POM121: variants seen among roughly 807,000 people sequenced by gnomAD.
POM121 encodes the protein nuclear envelope pore membrane protein POM 121.
In POM121, 32 loss-of-function variants were observed where a neutral mutation model predicts 81.3. The ratio of observed to expected loss-of-function variants is 0.39; its 90% CI spans 0.30 to 0.53. POM121 has a LOEUF of 0.53. Among genes scored for constraint, POM121 ranks in the 20% least tolerant of loss-of-function variants. The pLI is 0.66. For synonymous variants in POM121, 514 were observed against 694.2 expected (o/e 0.74, Z 4.08); for missense variants, 1,138 against 1,614.6 (o/e 0.70, Z 5.06).
chr7:72,937,558 T>C (rs1254533235), intron 5 of POM121, among the ~76,000 whole-genome samples: 1 of 152,162 alleles, frequency 6.6e-6, no homozygotes, highest in African/African-American at 2.4e-5. Context: ...TTACCACTTG[T>C]CTGAAGCTTC....
At chr7:72,899,459 G>C (rs1554492271) in intron 3 of POM121, among the ~76,000 whole-genome samples, 3 of 152,024 alleles carry the variant, frequency 2.0e-5, no homozygotes, top group Admixed American at 2.0e-4. Flanking sequence ...TGAATAAAGT[G>C]GAAAAATGTT....
intron 12 of POM121, 51 bp from the exon 13 acceptor site, chr7:72,946,086 C>T (rs372876196): frequency 8.8e-6 from 14 of 1,598,740 alleles, no homozygotes; most frequent in Non-Finnish European, 1.2e-5. Context: ...CACCCAGAGT[C>T]AGAGTCTCAG....
intron 3 of POM121, among the ~76,000 whole-genome samples, chr7:72,909,220 T>C (rs530591765): frequency 6.6e-6 from 1 of 152,326 alleles, no homozygotes; most frequent in African/African-American, 2.4e-5. Context: ...GACTTTATAT[T>C]TTTCAGTGTG....
intron 1 of POM121, among the ~76,000 whole-genome samples, chr7:72,887,364 T>C (rs1790826093): frequency 1.3e-5 from 2 of 152,066 alleles, no homozygotes; most frequent in African/African-American, 4.8e-5. Flanking sequence ...GGTTGTAATT[T>C]CCTGCCCATT....
At position 72,944,823 on chromosome 7, in the gene POM121, T is replaced by G. The variant is rs2429279; in HGVS notation, c.3530-763T>G. On this transcript the variant is annotated intron_variant, in intron 11 of 12. Coordinates refer to ENST00000434423, the MANE Select transcript of POM121 (RefSeq NM_001387691.1). ...GAGGAGGTCATGGGGGTGGCAGGGTTGAGGGGCTGAGAGGACCATCAGTCA... is the reference window on the plus strand; with the variant it reads ...GAGGAGGTCATGGGGGTGGCAGGGTGGAGGGGCTGAGAGGACCATCAGTCA... 1.3e-5 allele frequency among the ~76,000 whole-genome samples: 2 copies of G among 150,268 alleles called. 1 individual carries two copies. Among genetic ancestry groups the G allele is most frequent in the Admixed American group, 1.3e-4 (2 of 15,184 alleles).
chr7:72,897,915 A>C (rs1554491961), intron 3 of POM121, among the ~76,000 whole-genome samples: 1 of 152,154 alleles, frequency 6.6e-6, no homozygotes, highest in East Asian at 1.9e-4. Context: ...GGGACTTGGG[A>C]GGCTGAGGTG....
rs1554497624 is a variant in POM121 at position 72,926,874 on chromosome 7, A to T, written c.933A>T (p.Thr311=). 2.5e-6 allele frequency: 4 copies of T among 1,614,030 alleles called. No individual in the cohort carries two copies. Among genetic ancestry groups the T allele is most frequent in the Non-Finnish European group, 3.4e-6 (4 of 1,179,880 alleles). ...SNAPDPCAKE[T]VLSALKEKEK... is the part of the protein sequence containing the mutation. ...CCCCAGACCCATGTGCAAAGGAGAC[A>T]GTACTGAGTGCCCTCAAAGAGAAGG... The change falls in exon 3 of 13, where the codon ACA becomes ACT. Residue 311 remains threonine (T), a synonymous_variant. Transcript: ENST00000434423.
chr7:72,897,392 A>G (rs1202576225), intron 3 of POM121, among the ~76,000 whole-genome samples: 1 of 152,196 alleles, frequency 6.6e-6, no homozygotes, highest in Non-Finnish European at 1.5e-5. Flanking sequence ...GAAAAAGCCA[A>G]TGAGGCTGGA....
Position 72,939,413 on chromosome 7 carries a change from G to A in POM121, c.1441+4G>A. On this transcript the variant is annotated splice_donor_region_variant and intron_variant, in intron 7 of 12. Transcript: ENST00000434423. ...AGGGAGTCCCAGGGAGAAAAGGGTA[G>A]GTTGCTGAGCCAGGAGGAGGGGCTG... 6.2e-7 allele frequency: 1 copy of A among 1,613,908 alleles called. No individual in the cohort carries two copies. Among genetic ancestry groups the A allele is most frequent in the Non-Finnish European group, 8.5e-7 (1 of 1,179,810 alleles).
intron 6 of POM121, among the ~76,000 whole-genome samples, 158 bp downstream of exon 6, chr7:72,938,839 G>C (rs1796780651): frequency 1.3e-5 from 2 of 152,228 alleles, no homozygotes; most frequent in Admixed American, 1.3e-4. Flanking sequence ...CCCACCCGAA[G>C]TGCTGTCATC....
intron 5 of POM121, among the ~76,000 whole-genome samples, 191 bp from the exon 6 acceptor site, chr7:72,938,399 C>T (rs1207218620): frequency 6.6e-6 from 1 of 152,048 alleles, no homozygotes; most frequent in Non-Finnish European, 1.5e-5. Context: ...CTATGTTACC[C>T]AGGCTGGGCT....
At position 72,943,327 on chromosome 7, in the gene POM121, G is replaced by C. The variant is rs782719255; in HGVS notation, c.3334G>C (p.Gly1112Arg). The change falls in exon 11 of 13, where the codon GGG (glycine) becomes CGG (arginine). Residue 1112 changes from glycine (G) to arginine (R), a missense_variant. Coordinates refer to ENST00000434423, the MANE Select transcript of POM121 (RefSeq NM_001387691.1). ...SAAPAGSGSF[G>R]INVATPGSST... ...AGCCCCCGCTGGCAGTGGGAGCTTT[G>C]GGATCAATGTGGCCACCCCAGGCTC... 1.3e-5 allele frequency: 21 copies of C among 1,606,848 alleles called. No individual in the cohort carries two copies. The highest frequency in any genetic ancestry group is 2.2e-5 in the South Asian group (2 of 90,160).
chr7:72,938,941 A>G (rs1175821524), intron 6 of POM121, among the ~76,000 whole-genome samples: 1 of 152,198 alleles, frequency 6.6e-6, no homozygotes, highest in African/African-American at 2.4e-5. Flanking sequence ...GGCCATGCAG[A>G]GTGGAGAGCA....
chr7:72,938,070 G>A (rs530265086), intron 5 of POM121, among the ~76,000 whole-genome samples: 1 of 152,226 alleles, frequency 6.6e-6, no homozygotes, highest in African/African-American at 2.4e-5. Context: ...TGAGGCTAAC[G>A]TTCCACCTAA....
At chr7:72,926,603 C>G in intron 2 of POM121, 126 bp downstream of exon 2, 2 of 1,506,458 alleles carry the variant, frequency 1.3e-6, no homozygotes, top group East Asian at 2.4e-5. Flanking sequence ...TGAGAAATAC[C>G]AAATTCTAGT....
chr7:72,909,234 C>T (rs1290915382), intron 3 of POM121, among the ~76,000 whole-genome samples: 5 of 152,134 alleles, frequency 3.3e-5, no homozygotes, highest in Admixed American at 2.0e-4. Flanking sequence ...CAGTGTGTTT[C>T]GAGAGTGTTC....
downstream of POM121, chr7:72,949,073 C>A (rs185443744): frequency 6.2e-7 from 1 of 1,613,178 alleles, no homozygotes; most frequent in Non-Finnish European, 8.5e-7. Context: ...GTCCCTGCCC[C>A]GGGCTCCTCC....
chr7:72,902,411 C>A (rs1792770446), intron 3 of POM121, among the ~76,000 whole-genome samples: 1 of 150,962 alleles, frequency 6.6e-6, no homozygotes, highest in South Asian at 2.1e-4. Context: ...TATAGGCACC[C>A]ACCACCATGC....
intron 1 of POM121, among the ~76,000 whole-genome samples, chr7:72,884,460 A>C (rs1220315879): frequency 6.7e-6 from 1 of 148,956 alleles, no homozygotes; most frequent in Admixed American, 6.8e-5. Flanking sequence ...AATATATTTG[A>C]TATATATGAT....
Sources: gnomAD v4.1 joint callset for allele counts (sites outside exome capture counted in the v4.1 genomes callset) on GRCh38, gnomAD v4.1.1 for gene constraint, MANE v1.5 for transcripts, NCBI Gene and HGNC (gene_info 2026-07-23, HGNC 2026-07-21) for gene names.